C5: variants seen among roughly 807,000 people sequenced by gnomAD.
The protein encoded by C5 is C3 and PZP-like alpha-2-macroglobulin domain-containing protein 4.
A neutral mutation model predicts 218.8 loss-of-function variants in C5; 140 were observed. The ratio of observed to expected loss-of-function variants is 0.64; its 90% CI spans 0.56 to 0.74. C5 has a LOEUF of 0.74. Among genes scored for constraint, C5 ranks in the 30% least tolerant of loss-of-function variants. C5 has a pLI of 0.00. For missense variants in C5, 1,700 were observed against 1,969.6 expected (o/e 0.86, Z 2.59); for synonymous variants, 614 against 682.3 (o/e 0.90, Z 1.56).
intron 3 of C5, among the ~76,000 whole-genome samples, chr9:121,040,028 G>A (rs2047563585): frequency 6.6e-6 from 1 of 152,200 alleles, no homozygotes; most frequent in African/African-American, 2.4e-5. Flanking sequence ...ATGGTGTGGA[G>A]GAAAGAGGCA....
At chr9:120,979,125 C>A (rs1216994815) in intron 28 of C5, among the ~76,000 whole-genome samples, 1 of 152,188 alleles carries the variant, frequency 6.6e-6, no homozygotes, top group Non-Finnish European at 1.5e-5. Context: ...GACCTCACTT[C>A]CTACTCCTCT....
At position 120,982,826 on chromosome 9, in the gene C5, A is replaced by T. The variant is rs748940007; in HGVS notation, c.3231-12T>A. The T allele has an allele frequency of 6.9e-7, 1 of 1,450,994 alleles. No homozygotes were observed. Among genetic ancestry groups the T allele is most frequent in the Admixed American group, 1.7e-5 (1 of 57,604 alleles). The allele number at this position is 1,450,994 out of a possible 1,614,324, so 89.9% of individuals were successfully genotyped here. A position where few individuals can be genotyped will look rare whatever the true frequency, so the allele number is the denominator to read the frequency against. Reference sequence around the variant, plus strand: ...CAAAAGCTGTTAACCTTTAAGACAAAATCAAATAAATAAATATTTAGAACG... The same window carrying T: ...CAAAAGCTGTTAACCTTTAAGACAATATCAAATAAATAAATATTTAGAACG... On this transcript the variant is annotated splice_polypyrimidine_tract_variant and intron_variant, in intron 25 of 40. Transcript: ENST00000223642.
At chr9:120,968,586 T>A (rs1176435084) in intron 33 of C5, among the ~76,000 whole-genome samples, 1 of 152,174 alleles carries the variant, frequency 6.6e-6, no homozygotes, top group Non-Finnish European at 1.5e-5. Flanking sequence ...CATCAGTGGT[T>A]CTCAACCCTG....
chr9:121,054,793 G>T (rs1208388567), upstream of C5, among the ~76,000 whole-genome samples: 1 of 152,122 alleles, frequency 6.6e-6, no homozygotes, highest in Non-Finnish European at 1.5e-5. Context: ...TGCATCTGTA[G>T]ATAATCTCCA....
intron 29 of C5, among the ~76,000 whole-genome samples, chr9:120,976,064 C>T (rs1268969251): frequency 6.6e-6 from 1 of 152,134 alleles, no homozygotes; most frequent in Middle Eastern, 3.2e-3. Flanking sequence ...ATTACATGGT[C>T]AGTAAATTAA....
chr9:121,028,544 G>C (rs898161264), intron 7 of C5, among the ~76,000 whole-genome samples: 8 of 152,280 alleles, frequency 5.3e-5, no homozygotes, highest in Non-Finnish European at 1.0e-4. Context: ...GTCCTTTGCA[G>C]GGACATGGAT....
intron 4 of C5, among the ~76,000 whole-genome samples, 159 bp downstream of exon 4, chr9:121,037,722 A>G (rs2047540711): frequency 6.6e-6 from 1 of 152,224 alleles, no homozygotes; most frequent in Admixed American, 6.5e-5. Context: ...TACGTGTATT[A>G]CAGAGGTATA....
chr9:120,996,436 T>C (rs1347611293), intron 21 of C5, 136 bp from the exon 22 acceptor site: 1 of 744,868 alleles, frequency 1.3e-6, no homozygotes, highest in African/African-American at 1.8e-5. Flanking sequence ...TATAAATACT[T>C]ACATGGATAT....
chr9:120,982,733 T>C lies in C5; in HGVS notation c.3312A>G (p.Leu1104=). The C allele has an allele frequency of 6.2e-7, 1 of 1,605,518 alleles. No individual in the cohort carries two copies. Among genetic ancestry groups the C allele is most frequent in the Non-Finnish European group, 8.5e-7 (1 of 1,172,608 alleles). ...EQNQNSICNS[L]LWLVENYQLD... The stretch of plus-strand genomic sequence containing the variant: ...ATTGATAATTCTCAACTAGCCACAA[T>C]AAAGAATTACAAATTGAATTTTGGT... Residue 1104 remains leucine, a synonymous_variant, in exon 26 of 41, where the codon TTA becomes TTG. Coordinates refer to ENST00000223642, the MANE Select transcript of C5 (RefSeq NM_001735.3).
the C5 span, among the ~76,000 whole-genome samples, chr9:121,059,418 G>C: frequency 1.3e-5 from 2 of 152,150 alleles, no homozygotes; most frequent in African/African-American, 4.8e-5. The surrounding 1 kb of genome is among the most constrained non-coding windows in gnomAD (Gnocchi z 4.1). Context: ...CTGTACCCTA[G>C]ACCTTCTAAT....
intron 31 of C5, among the ~76,000 whole-genome samples, chr9:120,971,000 C>T (rs770231439): frequency 3.3e-5 from 5 of 151,782 alleles, no homozygotes; most frequent in Non-Finnish European, 5.9e-5. Flanking sequence ...GGTGAAACTC[C>T]GTCTCTACTA....
chr9:121,045,464 CAA>C (rs1361185407), intron 2 of C5, among the ~76,000 whole-genome samples: 1 of 151,986 alleles, frequency 6.6e-6, no homozygotes, highest in Non-Finnish European at 1.5e-5. Flanking sequence ...GTTACAAAAT[CAA>C]TATAATTCGA....
At position 120,980,219 on chromosome 9, in the gene C5, A is replaced by G. The variant is rs1239285139; in HGVS notation, c.3522T>C (p.Phe1174=). The G allele has an allele frequency of 1.2e-6, 2 of 1,614,082 alleles. No individual in the cohort carries two copies. The highest frequency in any genetic ancestry group is 1.7e-6 in the Non-Finnish European group (2 of 1,180,036). The part of the protein sequence containing the change: ...IDTALIKADN[F]LLENTLPAQS... Reference sequence around the variant, plus strand: ...GGGCTGGCAGTGTATTTTCAAGCAGAAAGTTGTCAGCTTTAATTAGAGCTG... The same window carrying G: ...GGGCTGGCAGTGTATTTTCAAGCAGGAAGTTGTCAGCTTTAATTAGAGCTG... Residue 1174 remains phenylalanine (F), a synonymous_variant, in exon 28 of 41, where the codon TTT becomes TTC. Coordinates refer to ENST00000223642, the MANE Select transcript of C5 (RefSeq NM_001735.3).
intron 10 of C5, among the ~76,000 whole-genome samples, chr9:121,022,510 T>C (rs1186807001): frequency 6.7e-6 from 1 of 149,030 alleles, no homozygotes; most frequent in African/African-American, 2.4e-5. Flanking sequence ...CCTACAAGCA[T>C]GTCCAAACCT....
chr9:120,995,695 T>C (rs1001373329), intron 22 of C5, among the ~76,000 whole-genome samples: 2 of 152,092 alleles, frequency 1.3e-5, no homozygotes, highest in East Asian at 3.8e-4. Flanking sequence ...AGTCATGCAA[T>C]TGTTACTATT....
At chr9:121,029,641 C>T (rs41308030) in intron 7 of C5, among the ~76,000 whole-genome samples, 2,966 of 152,304 alleles carry the variant, frequency 0.019, 81 homozygotes, top group African/African-American at 0.067. Context: ...CATGTATCAA[C>T]GACCTTTGCA....
intron 2 of C5, among the ~76,000 whole-genome samples, chr9:121,044,568 A>G (rs2047609859): frequency 6.6e-6 from 1 of 152,234 alleles, no homozygotes; most frequent in South Asian, 2.1e-4. Context: ...TGACACTGCA[A>G]TCCATAGACC....
At chr9:120,971,189 GA>G (rs1039256629) in intron 31 of C5, among the ~76,000 whole-genome samples, 69 of 135,236 alleles carry the variant, frequency 5.1e-4, no homozygotes, top group Non-Finnish European at 9.6e-4. Context: ...AAAAAAAAAA[GA>G]AAAAAAATTG....
intron 4 of C5, among the ~76,000 whole-genome samples, chr9:121,035,507 G>A (rs1285510829): frequency 6.6e-6 from 1 of 152,038 alleles, no homozygotes; most frequent in Non-Finnish European, 1.5e-5. Flanking sequence ...TACACATGGG[G>A]GTCCAATTCA....
Sources: allele counts gnomAD v4.1 joint callset (sites outside exome capture counted in the v4.1 genomes callset), GRCh38; gene constraint gnomAD v4.1.1; non-coding constraint Gnocchi (gnomAD v3.1); transcripts MANE v1.5; gene names NCBI Gene and HGNC (gene_info 2026-07-23, HGNC 2026-07-21).